Variants in BCL2 observed in about 807,000 individuals in gnomAD.
BCL2 encodes BCL2 apoptosis regulator.
BCL2 carries 1 observed loss-of-function variant against 14.2 expected under a neutral mutation model. That is an observed-to-expected ratio of 0.07 (90% CI 0.02 to 0.33). The LOEUF is 0.33. BCL2 is among the 10% of genes least tolerant of loss of function. The probability of loss-of-function intolerance (pLI) is 0.99; values close to 1 mark genes in which losing one functional copy is unlikely to be tolerated. For synonymous variants in BCL2, 151 were observed against 137.2 expected, an observed-to-expected ratio of 1.10 and a Z score of -0.70; for missense variants, 247 against 305.9, an observed-to-expected ratio of 0.81 and a Z score of 1.44.
chr18:63,130,441 G>T (rs1465711990), intron 2 of BCL2, among the ~76,000 whole-genome samples: 1 of 152,220 alleles, frequency 6.6e-6, no homozygotes, highest in Non-Finnish European at 1.5e-5. Context: ...GGGCATGGTT[G>T]TGGTGCACTA....
intron 2 of BCL2, among the ~76,000 whole-genome samples, chr18:63,169,333 CT>C (rs1240035313): frequency 1.9e-5 from 1 of 52,384 alleles, no homozygotes; most frequent in Admixed American, 2.4e-4. Flanking sequence ...CTTTCCTTTC[CT>C]TCCTTTCTTT....
intron 2 of BCL2, among the ~76,000 whole-genome samples, chr18:63,309,071 C>T (rs527341390): frequency 2.4e-4 from 36 of 152,274 alleles, no homozygotes; most frequent in Middle Eastern, 3.4e-3. Flanking sequence ...ATTAAGTTGG[C>T]AAACTGGTAG....
rs570010185 is a variant in BCL2, at chr18:63,270,653, T to C, written c.585+47429A>G. On this transcript the variant is annotated intron_variant, in intron 2 of 2. Transcript: ENST00000333681. ...TCCCAGAATAGAAGTCTGGGGACAA[T>C]AGGAGGAGGAGGAAAGAAATCACTG... is the stretch of plus-strand genomic sequence containing the variant. 5.3e-5 allele frequency among the ~76,000 whole-genome samples: 8 copies of C among 152,090 alleles called. No homozygotes were observed. The South Asian group carries it at 1.5e-3, about 28-fold the overall frequency.
intron 2 of BCL2, among the ~76,000 whole-genome samples, chr18:63,258,209 T>G (rs1441636135): frequency 6.6e-6 from 1 of 152,208 alleles, no homozygotes; most frequent in Non-Finnish European, 1.5e-5. Flanking sequence ...AGTGTGGCCA[T>G]GCTGGCACCT....
At position 63,282,236 on chromosome 18, in the gene BCL2, A is replaced by G. The variant is rs372700720; in HGVS notation, c.585+35846T>C. On this transcript the variant is annotated intron_variant, in intron 2 of 2. Transcript: ENST00000333681. ...TCACAAGTTCTTGACACATGTAATT[A>G]AGAAAGCTAAGCTACAGGTCACTCT... Among the ~76,000 whole-genome samples, 15 of 152,350 alleles carry G rather than the reference A, an allele frequency of 9.8e-5. No homozygotes were observed. In the East Asian group the frequency reaches 2.1e-3, roughly 22 times the overall value.
intron 2 of BCL2, among the ~76,000 whole-genome samples, chr18:63,168,153 C>T (rs1050057448): frequency 3.3e-5 from 5 of 152,216 alleles, no homozygotes; most frequent in African/African-American, 1.2e-4. Context: ...GAGAATGTGT[C>T]AAGAGTGCCC....
chr18:63,210,448 A>G (rs1909967890), intron 2 of BCL2, among the ~76,000 whole-genome samples: 1 of 152,218 alleles, frequency 6.6e-6, no homozygotes, highest in Non-Finnish European at 1.5e-5. Flanking sequence ...ATTGGCTTCA[A>G]ATTTCAATCC....
intron 2 of BCL2, among the ~76,000 whole-genome samples, chr18:63,173,078 A>G (rs750669825): frequency 3.3e-5 from 5 of 152,276 alleles, no homozygotes; most frequent in Admixed American, 6.5e-5. Context: ...TTTAGCTCCA[A>G]TATAGAAGTT....
chr18:63,295,104 C>T (rs1300869965), intron 2 of BCL2, among the ~76,000 whole-genome samples: 1 of 151,704 alleles, frequency 6.6e-6, no homozygotes, highest in African/African-American at 2.4e-5. Flanking sequence ...GCAGAGGTTG[C>T]AGTGAGCCGA....
chr18:63,207,562 G>A (rs1424088226), intron 2 of BCL2: 2 of 152,256 alleles, frequency 1.3e-5, no homozygotes, highest in Non-Finnish European at 2.9e-5. Context: ...CAGACTGCCT[G>A]GGAGCACCAG....
In BCL2 at chr18:63,301,728, G is replaced by C. The variant is rs557466390; in HGVS notation, c.585+16354C>G. On this transcript the variant is annotated intron_variant, in intron 2 of 2. Coordinates refer to ENST00000333681, the MANE Select transcript of BCL2 (RefSeq NM_000633.3). The stretch of plus-strand genomic sequence containing the variant: ...GGAGAACATTATGAATAATCCCAAA[G>C]AGAACTGAGCTCCAGAAGGGGCGGG... Among the ~76,000 whole-genome samples the C allele has an allele frequency of 2.6e-5, 4 of 152,312 alleles. No homozygotes were observed. The East Asian group carries it at 7.7e-4, about 29-fold the overall frequency.
At chr18:63,301,587 T>C (rs891421434) in intron 2 of BCL2, among the ~76,000 whole-genome samples, 1 of 152,202 alleles carries the variant, frequency 6.6e-6, no homozygotes, top group African/African-American at 2.4e-5. Flanking sequence ...CTAGTTGTGA[T>C]TCACACCGTC....
At chr18:63,199,523 C>A (rs1909625859) in intron 2 of BCL2, among the ~76,000 whole-genome samples, 1 of 151,390 alleles carries the variant, frequency 6.6e-6, no homozygotes. Context: ...GAGACACACA[C>A]AACACACAGA....
intron 2 of BCL2, among the ~76,000 whole-genome samples, chr18:63,137,297 C>T (rs973056911): frequency 1.3e-5 from 2 of 152,198 alleles, no homozygotes; most frequent in Non-Finnish European, 2.9e-5. Flanking sequence ...CAGTATTATA[C>T]GAAGATCATC....
chr18:63,161,166 A>C (rs1914910947), intron 2 of BCL2, among the ~76,000 whole-genome samples: 1 of 152,164 alleles, frequency 6.6e-6, no homozygotes. Flanking sequence ...TCCCTGCCTC[A>C]CACCCTCTCG....
chr18:63,274,939 C>T (rs1029978747), intron 2 of BCL2, among the ~76,000 whole-genome samples: 1 of 152,210 alleles, frequency 6.6e-6, no homozygotes, highest in Non-Finnish European at 1.5e-5. Context: ...TTGGGTCCTA[C>T]ATTCACGGGC....
chr18:63,276,050 G>GC (rs1912143845), intron 2 of BCL2, among the ~76,000 whole-genome samples: 1 of 152,196 alleles, frequency 6.6e-6, no homozygotes, highest in African/African-American at 2.4e-5. Context: ...ACCATGGGGT[G>GC]CCCCCACCCT....
chr18:63,207,195 G>C (rs149349464), intron 2 of BCL2, among the ~76,000 whole-genome samples: 236 of 152,350 alleles, frequency 1.5e-3, no homozygotes, highest in African/African-American at 5.5e-3. Context: ...AGCGTTCCAG[G>C]TGCAGGCGGC....
intron 2 of BCL2, among the ~76,000 whole-genome samples, chr18:63,249,580 C>A (rs558786326): frequency 6.6e-6 from 1 of 151,760 alleles, no homozygotes; most frequent in South Asian, 2.1e-4. Context: ...CATGGTGGTG[C>A]GTGACTGTAG....
Sources: gnomAD v4.1 joint callset for allele counts (sites outside exome capture counted in the v4.1 genomes callset) on GRCh38, gnomAD v4.1.1 for gene constraint, MANE v1.5 for transcripts, NCBI Gene and HGNC (gene_info 2026-07-23, HGNC 2026-07-21) for gene names.